Variants in FGF12 observed in about 807,000 individuals in gnomAD.
FGF12 encodes fibroblast growth factor 12.
Under a neutral mutation model 23.6 loss-of-function variants are expected in FGF12, and 14 were observed. The observed-to-expected ratio is 0.59, with a 90% CI of 0.39 to 0.93. The LOEUF (loss-of-function observed/expected upper bound fraction) is 0.93, where lower values mean the gene tolerates loss of function less well. FGF12 is among the 40% of genes least tolerant of loss of function. The probability of loss-of-function intolerance (pLI) is 0.00; values close to 1 mark genes in which losing one functional copy is unlikely to be tolerated. For missense variants in FGF12, 175 were observed against 217.8 expected, an observed-to-expected ratio of 0.80 and a Z score of 1.24; for synonymous variants, 62 against 77.3, an observed-to-expected ratio of 0.80 and a Z score of 1.04.
intron 3 of FGF12, among the ~76,000 whole-genome samples, chr3:192,349,300 A>G (rs1255297795): frequency 6.6e-6 from 1 of 152,116 alleles, no homozygotes; most frequent in Non-Finnish European, 1.5e-5. Flanking sequence ...AGAGCAAATC[A>G]ACTCTCACTT....
At chr3:192,189,336 AAC>A (rs1179320490) in intron 4 of FGF12, among the ~76,000 whole-genome samples, 3 of 152,198 alleles carry the variant, frequency 2.0e-5, no homozygotes, top group Non-Finnish European at 4.4e-5. Flanking sequence ...GTTCCAAAAT[AAC>A]AGAGAAATTT....
chr3:192,535,994 T>C (rs755982462), intron 2 of FGF12, among the ~76,000 whole-genome samples: 7 of 152,242 alleles, frequency 4.6e-5, no homozygotes, highest in Non-Finnish European at 8.8e-5. Context: ...CACTAAATTT[T>C]ACATAGCTTG....
At chr3:192,346,815 C>G (rs1351237637) in intron 3 of FGF12, among the ~76,000 whole-genome samples, 1 of 152,064 alleles carries the variant, frequency 6.6e-6, no homozygotes, top group African/African-American at 2.4e-5. Flanking sequence ...GTACTTCAGC[C>G]ATTGATTTGT....
intron 2 of FGF12, among the ~76,000 whole-genome samples, chr3:192,510,767 C>A (rs75496224): frequency 6.6e-6 from 1 of 152,100 alleles, no homozygotes; most frequent in Non-Finnish European, 1.5e-5. Context: ...GGTACATCCA[C>A]GCAATGGAAT....
chr3:192,538,256 GT>G (rs200001112), intron 2 of FGF12, among the ~76,000 whole-genome samples: 7 of 138,998 alleles, frequency 5.0e-5, no homozygotes, highest in Non-Finnish European at 8.2e-5. Context: ...CCTTTAATCC[GT>G]TTTTTTTCTT....
At chr3:192,169,163 A>T (rs1161459965) in intron 5 of FGF12, among the ~76,000 whole-genome samples, 1 of 152,118 alleles carries the variant, frequency 6.6e-6, no homozygotes, top group Non-Finnish European at 1.5e-5. Flanking sequence ...CAACATGGCG[A>T]AATCCTGTCT....
chr3:192,685,208 G>A (rs1216299853), intron 2 of FGF12, among the ~76,000 whole-genome samples: 2 of 151,964 alleles, frequency 1.3e-5, no homozygotes, highest in African/African-American at 4.8e-5. Context: ...CCGCCACCAC[G>A]CCCGGCTAAT....
chr3:192,354,695 G>A (rs1265322245), intron 3 of FGF12, among the ~76,000 whole-genome samples: 1 of 152,044 alleles, frequency 6.6e-6, no homozygotes, highest in Non-Finnish European at 1.5e-5. Context: ...CAAGTTTTTT[G>A]TTTGCTTGTT....
At chr3:192,459,346 T>C (rs556464305) in intron 2 of FGF12, among the ~76,000 whole-genome samples, 2 of 152,328 alleles carry the variant, frequency 1.3e-5, no homozygotes, top group South Asian at 2.1e-4. Flanking sequence ...GCAACAAAAT[T>C]TGGCATTTCC....
intron 4 of FGF12, among the ~76,000 whole-genome samples, chr3:192,306,849 C>T (rs1280806847): frequency 3.3e-5 from 5 of 152,186 alleles, no homozygotes. Flanking sequence ...AATCAATTTT[C>T]TAATCTCATA....
intron 4 of FGF12, among the ~76,000 whole-genome samples, chr3:192,286,707 G>C (rs1251031257): frequency 3.9e-5 from 6 of 151,922 alleles, no homozygotes; most frequent in Non-Finnish European, 8.8e-5. Flanking sequence ...TTAAGACAAT[G>C]GTTTATTGTT....
chr3:192,653,062 T>A (rs1454073486), intron 2 of FGF12, among the ~76,000 whole-genome samples: 1 of 152,020 alleles, frequency 6.6e-6, no homozygotes, highest in East Asian at 1.9e-4. Context: ...TTCTGTAACA[T>A]CATATTTCGA....
intron 2 of FGF12, among the ~76,000 whole-genome samples, chr3:192,662,331 C>T (rs1286794093): frequency 6.6e-6 from 1 of 152,172 alleles, no homozygotes; most frequent in African/African-American, 2.4e-5. Context: ...CTTATTTCCA[C>T]CATTCATTTT....
At chr3:192,423,310 C>G (rs1283286731) in intron 2 of FGF12, among the ~76,000 whole-genome samples, 1 of 152,072 alleles carries the variant, frequency 6.6e-6, no homozygotes, top group East Asian at 1.9e-4. Flanking sequence ...GCATAAAATA[C>G]CAACCTCTGA....
chr3:192,494,855 T>C (rs1356738995), intron 2 of FGF12, among the ~76,000 whole-genome samples: 1 of 151,728 alleles, frequency 6.6e-6, no homozygotes, highest in African/African-American at 2.4e-5. Flanking sequence ...TATATATATA[T>C]ATATAAAATA....
At chr3:192,288,570 C>T (rs4687313) in intron 4 of FGF12, among the ~76,000 whole-genome samples, 3 of 151,814 alleles carry the variant, frequency 2.0e-5, no homozygotes, top group Non-Finnish European at 4.4e-5. Context: ...CACGTTTCCA[C>T]TTAACAGCCT....
chr3:192,367,459 A>T (rs1401433640), intron 2 of FGF12, among the ~76,000 whole-genome samples: 2 of 152,196 alleles, frequency 1.3e-5, no homozygotes, highest in Admixed American at 6.5e-5. Flanking sequence ...AGGGTTAGAA[A>T]ATGTTCATAA....
chr3:192,188,132 T>A (rs1480441720), intron 4 of FGF12, among the ~76,000 whole-genome samples: 1 of 152,214 alleles, frequency 6.6e-6, no homozygotes, highest in Admixed American at 6.5e-5. Flanking sequence ...TTTATAATAT[T>A]CTAATAATTT....
chr3:192,722,675 A>G (rs1719076291), intron 2 of FGF12, among the ~76,000 whole-genome samples: 1 of 152,170 alleles, frequency 6.6e-6, no homozygotes, highest in Non-Finnish European at 1.5e-5. Flanking sequence ...AGTTGGCCTA[A>G]AAAAACTAAT....
Sources: gnomAD v4.1 joint callset for allele counts (sites outside exome capture counted in the v4.1 genomes callset) on GRCh38, gnomAD v4.1.1 for gene constraint, MANE v1.5 for transcripts, NCBI Gene and HGNC (gene_info 2026-07-23, HGNC 2026-07-21) for gene names.